Variants in UGT1A8 observed in about 807,000 individuals in gnomAD.
UGT1A8 encodes UDP-glucuronosyltransferase 1A8.
UGT1A8 carries 39 observed loss-of-function variants against 45.3 expected under a neutral mutation model. The ratio of observed to expected loss-of-function variants is 0.86; its 90% CI spans 0.67 to 1.12. The LOEUF is 1.12. UGT1A8 is among the 50% of genes most tolerant of loss of function. The pLI, the probability that UGT1A8 is intolerant of heterozygous loss-of-function variation, is 0.00. For synonymous variants in UGT1A8, 275 were observed against 249.2 expected (o/e 1.10, Z -0.97); for missense variants, 719 against 664.9 (o/e 1.08, Z -0.90).
intron 1 of UGT1A8, among the ~76,000 whole-genome samples, chr2:233,687,069 G>A (rs1405806889): frequency 6.6e-6 from 1 of 152,170 alleles, no homozygotes; most frequent in Admixed American, 6.6e-5. Context: ...CTCCAAGCCT[G>A]ATTTCATAAG....
intron 1 of UGT1A8, chr2:233,648,998 A>G: frequency 7.2e-7 from 1 of 1,387,824 alleles, no homozygotes; most frequent in Non-Finnish European, 9.9e-7. Flanking sequence ...GGTGGTATCA[A>G]CTGCAATCAG....
chr2:233,697,570 T>C, intron 1 of UGT1A8, among the ~76,000 whole-genome samples: 1 of 151,918 alleles, frequency 6.6e-6, no homozygotes, highest in East Asian at 1.9e-4. Flanking sequence ...TCAATTTAAT[T>C]TATTTTTTCC....
At chr2:233,633,035 G>T (rs536431522) in intron 1 of UGT1A8, among the ~76,000 whole-genome samples, 2 of 152,124 alleles carry the variant, frequency 1.3e-5, no homozygotes, top group South Asian at 2.1e-4. Context: ...AGAATTTTTG[G>T]CATGAAGTGC....
At chr2:233,637,027 A>G (rs748278314) in intron 1 of UGT1A8, 20 of 1,613,894 alleles carry the variant, frequency 1.2e-5, no homozygotes, top group Non-Finnish European at 1.5e-5. Context: ...TGTGGTCTTC[A>G]CCAGGGGAAT....
In UGT1A8 at chr2:233,769,534, G is replaced by C. The variant is rs752305202; in HGVS notation, c.1295+1095G>C. ...CTCCCATGGTTACCTCCTTTAGAAA[G>C]AAGCAGCAGTCAGGAAGACAGATGT... is the stretch of plus-strand genomic sequence containing the variant. On this transcript the variant is annotated intron_variant, in intron 4 of 4. Transcript: ENST00000373450. The surrounding 1 kb of genome is among the most constrained non-coding windows in gnomAD (Gnocchi z 4.4). 6.2e-7 allele frequency: 1 copy of C among 1,612,926 alleles called. No individual in the cohort carries two copies. Among genetic ancestry groups the C allele is most frequent in the South Asian group, 1.1e-5 (1 of 91,080 alleles).
At chr2:233,671,864 G>A (rs1220268503) in intron 1 of UGT1A8, 3 of 1,517,530 alleles carry the variant, frequency 2.0e-6, no homozygotes, top group East Asian at 2.3e-5. Context: ...GTTTTGTGCT[G>A]GTATTTCTCC....
chr2:233,734,900 C>G (rs1027588472), intron 1 of UGT1A8, among the ~76,000 whole-genome samples: 1 of 152,158 alleles, frequency 6.6e-6, no homozygotes, highest in Non-Finnish European at 1.5e-5. Flanking sequence ...GATTTCTATT[C>G]TTTTACATTT....
Position 233,617,665 on chromosome 2 carries a change from G to C in UGT1A8, c.-43G>C. The C allele has an allele frequency of 6.3e-7, 1 of 1,586,274 alleles. No individual in the cohort carries two copies. The highest frequency in any genetic ancestry group is 8.6e-7 in the Non-Finnish European group (1 of 1,165,090). On this transcript the variant is annotated 5_prime_UTR_variant, in exon 1 of 5. Transcript: ENST00000373450. Reference sequence around the variant, plus strand: ...TAGTTCTTCCGCCTACTGTATCATAGCAGCTTAGAATCCCAGCTGCTGGCT... The same window carrying C: ...TAGTTCTTCCGCCTACTGTATCATACCAGCTTAGAATCCCAGCTGCTGGCT...
intron 1 of UGT1A8, chr2:233,740,623 G>C (rs1691436478): frequency 6.6e-6 from 1 of 151,816 alleles, no homozygotes; most frequent in Non-Finnish European, 1.5e-5. Context: ...GGGGCTCACA[G>C]GGTCATGCCT....
intron 1 of UGT1A8, among the ~76,000 whole-genome samples, chr2:233,632,139 G>T (rs1383368929): frequency 7.9e-5 from 12 of 152,032 alleles, no homozygotes; most frequent in Admixed American, 7.9e-4. Context: ...AAGGTCAGAT[G>T]GTTGTAGATG....
Position 233,760,303 on chromosome 2 carries a change from C to T in UGT1A8, c.856-6731C>T, listed in dbSNP as rs2125982207. ...CAAAGGCGCCATGGCTGTGGAGTCC[C>T]AGGGCGGACGCCCACTTGTCCTGGG... On this transcript the variant is annotated intron_variant, in intron 1 of 4. Coordinates refer to ENST00000373450, the MANE Select transcript of UGT1A8 (RefSeq NM_019076.5). 2 of 1,613,696 alleles carry T rather than the reference C, an allele frequency of 1.2e-6. No individual in the cohort carries two copies. Among genetic ancestry groups the T allele is most frequent in the South Asian group, 1.1e-5 (1 of 91,060 alleles).
At chr2:233,693,234 T>C in intron 1 of UGT1A8, 1 of 1,614,090 alleles carries the variant, frequency 6.2e-7, no homozygotes, top group Non-Finnish European at 8.5e-7. Flanking sequence ...ACAAGAAAAA[T>C]CTATCCAGTG....
At chr2:233,731,289 T>C (rs2078133665) in intron 1 of UGT1A8, among the ~76,000 whole-genome samples, 1 of 152,126 alleles carries the variant, frequency 6.6e-6, no homozygotes, top group East Asian at 1.9e-4. Context: ...TCTTTCTTTT[T>C]TTTTTTTTTA....
intron 1 of UGT1A8, among the ~76,000 whole-genome samples, chr2:233,689,045 CTCT>C (rs2074924736): frequency 6.6e-6 from 1 of 152,196 alleles, no homozygotes; most frequent in Admixed American, 6.5e-5. Context: ...TACTTTATGT[CTCT>C]TCTGTATAAT....
chr2:233,752,967 C>G (rs1695099374), intron 1 of UGT1A8, among the ~76,000 whole-genome samples: 2 of 152,152 alleles, frequency 1.3e-5, no homozygotes, highest in African/African-American at 2.4e-5. Context: ...TTTATGTAAC[C>G]AATTGTGTAG....
intron 1 of UGT1A8, among the ~76,000 whole-genome samples, chr2:233,707,990 C>A (rs1350319093): frequency 6.6e-6 from 1 of 152,182 alleles, no homozygotes; most frequent in Non-Finnish European, 1.5e-5. Flanking sequence ...GGGTTGTCTA[C>A]TCGAATTATG....
chr2:233,761,565 G>T (rs1015510791), intron 1 of UGT1A8, among the ~76,000 whole-genome samples: 1 of 152,250 alleles, frequency 6.6e-6, no homozygotes, highest in African/African-American at 2.4e-5. Context: ...TCCTGGAAAT[G>T]AAAGTTGCCT....
At chr2:233,661,627 C>CTT (rs1553602617) in intron 1 of UGT1A8, among the ~76,000 whole-genome samples, 2 of 106,136 alleles carry the variant, frequency 1.9e-5, no homozygotes, top group Admixed American at 1.0e-4. Context: ...ACTGAATTTT[C>CTT]TTTCTTTCTT....
At chr2:233,655,760 C>T (rs1227972304) in intron 1 of UGT1A8, among the ~76,000 whole-genome samples, 1 of 152,130 alleles carries the variant, frequency 6.6e-6, no homozygotes, top group African/African-American at 2.4e-5. Context: ...CACAGAGCCC[C>T]ATCCCTGCAA....
Sources: allele counts gnomAD v4.1 joint callset (sites outside exome capture counted in the v4.1 genomes callset), GRCh38; gene constraint gnomAD v4.1.1; non-coding constraint Gnocchi (gnomAD v3.1); transcripts MANE v1.5; gene names NCBI Gene and HGNC (gene_info 2026-07-23, HGNC 2026-07-21).